The following C8orf58 variants were observed in gnomAD, a reference collection of about 807,000 sequenced individuals.
The protein encoded by C8orf58 is chromosome 8 open reading frame 58.
A neutral mutation model predicts 36.8 loss-of-function variants in C8orf58; 31 were observed. That is an observed-to-expected ratio of 0.84 (90% confidence interval 0.63 to 1.14). C8orf58 has a LOEUF of 1.14. Among genes scored for constraint, C8orf58 ranks in the 50% most tolerant of loss-of-function variants. The pLI, the probability that C8orf58 is intolerant of heterozygous loss-of-function variation, is 0.00. For missense variants in C8orf58, 538 were observed against 480.8 expected, an observed-to-expected ratio of 1.12 and a Z score of -1.11; for synonymous variants, 230 against 200.2, an observed-to-expected ratio of 1.15 and a Z score of -1.26.
At position 22,601,477 on chromosome 8, in the gene C8orf58, A is replaced by G. The variant is rs117610214; in HGVS notation, c.516+120A>G. 8.0e-3 allele frequency: 7,784 copies of G among 970,650 alleles called. 48 individuals carry two copies. Among genetic ancestry groups the G allele is most frequent in the Middle Eastern group, 0.013 (40 of 3,124 alleles). 60.1% of individuals were successfully genotyped at this position (970,650 alleles called of 1,614,324 possible). ...GCCCCTAATTGATGGGTTGTGTCAT[A>G]GGTTCTTTCTGCACCCCAGTTCCAT... is the stretch of plus-strand genomic sequence containing the variant. On this transcript the variant is annotated intron_variant, in intron 2 of 6. Coordinates refer to ENST00000289989, the MANE Select transcript of C8orf58 (RefSeq NM_001013842.3).
Position 22,600,962 on chromosome 8 carries a change from C to T in C8orf58, c.121C>T (p.His41Tyr), listed in dbSNP as rs1436114744. Residue 41 changes from histidine (H) to tyrosine (Y), a missense_variant, in exon 2 of 7, where the codon CAC becomes TAC. His to Tyr is a moderately conservative substitution (Grantham distance 83, BLOSUM62 2). Transcript: ENST00000289989. The stretch of plus-strand genomic sequence containing the variant: ...CTACAGACGGATCCCCGACGCTGCC[C>T]ACGGGTGCTCATCCTGGGAGAGAGG... ...STYRRIPDAA[H>Y]GCSSWERGDK... is the part of the protein sequence containing the mutation. 2 of 1,612,690 alleles carry T rather than the reference C, an allele frequency of 1.2e-6. 1 individual carries two copies. Among genetic ancestry groups the T allele is most frequent in the Non-Finnish European group, 1.7e-6 (2 of 1,180,006 alleles).
rs539225708 is a variant in C8orf58, at chr8:22,603,414, C to T, written c.*108C>T. 4.6e-5 allele frequency: 36 copies of T among 789,424 alleles called. No individual in the cohort carries two copies. Among genetic ancestry groups the T allele is most frequent in the Non-Finnish European group, 7.1e-5 (32 of 449,526 alleles). The allele number at this position is 789,424 out of a possible 1,614,324, so 48.9% of individuals were successfully genotyped here. ...CCACATTGCCAGGAAAAGCTGCTGACGCCTGCCCTCCTCTCTTGAGTCGAG... is the reference window on the plus strand; with the variant it reads ...CCACATTGCCAGGAAAAGCTGCTGATGCCTGCCCTCCTCTCTTGAGTCGAG... On this transcript the variant is annotated 3_prime_UTR_variant, in exon 7 of 7. Transcript: ENST00000289989.
In C8orf58 at chr8:22,602,146, C is replaced by T. The variant is rs772459367; in HGVS notation, c.767-54C>T. On this transcript the variant is annotated intron_variant, in intron 4 of 6. Transcript: ENST00000289989. ...GGTCCCACCAGCAGGTCCTCTGAGCCGAAGCTTGATGGGGTGTCTTCTGGC... is the reference window on the plus strand; with the variant it reads ...GGTCCCACCAGCAGGTCCTCTGAGCTGAAGCTTGATGGGGTGTCTTCTGGC... 4.2e-5 allele frequency: 66 copies of T among 1,554,776 alleles called. No individual in the cohort carries two copies. The African/African-American group carries it at 6.0e-4, about 14-fold the overall frequency.
In C8orf58 at chr8:22,600,949, C is replaced by A. The variant is rs1330675595; in HGVS notation, c.108C>A (p.Ile36=). Residue 36 remains isoleucine (I), a synonymous_variant, in exon 2 of 7, where the codon ATC becomes ATA. Transcript: ENST00000289989. The part of the protein sequence containing the change: ...VPGVTSTYRR[I]PDAAHGCSSW... ...GAGTCACCAGCACCTACAGACGGATCCCCGACGCTGCCCACGGGTGCTCAT... is the reference window on the plus strand; with the variant it reads ...GAGTCACCAGCACCTACAGACGGATACCCGACGCTGCCCACGGGTGCTCAT... 6.2e-7 allele frequency: 1 copy of A among 1,612,366 alleles called. No homozygotes were observed. Among genetic ancestry groups the A allele is most frequent in the Non-Finnish European group, 8.5e-7 (1 of 1,179,996 alleles).
rs1016830515 is a variant in C8orf58, at chr8:22,601,431, T to C, written c.516+74T>C. 2.2e-5 allele frequency: 28 copies of C among 1,254,776 alleles called. No homozygotes were observed. In the Admixed American group the frequency reaches 6.0e-4, roughly 27 times the overall value. The allele number at this position is 1,254,776 out of a possible 1,614,324, so 77.7% of individuals were successfully genotyped here. The stretch of plus-strand genomic sequence containing the variant: ...GCTCCTCTGGTTCTCCCTGGAGCTC[T>C]CTCTGGGTGGGGCACTCCCTGCCCC... On this transcript the variant is annotated intron_variant, in intron 2 of 6. Coordinates refer to ENST00000289989, the MANE Select transcript of C8orf58 (RefSeq NM_001013842.3).
intron 1 of C8orf58, 65 bp downstream of exon 1, chr8:22,599,825 G>C (rs1457414013): frequency 4.0e-6 from 3 of 747,866 alleles, no homozygotes; most frequent in Non-Finnish European, 3.6e-6. Flanking sequence ...CCGCCCCCAA[G>C]CCGGGCACCC....
At position 22,602,035 on chromosome 8, in the gene C8orf58, C is replaced by A; in HGVS notation, c.721C>A (p.Arg241=). The A allele has an allele frequency of 6.3e-7, 1 of 1,580,686 alleles. No homozygotes were observed. Among genetic ancestry groups the A allele is most frequent in the Non-Finnish European group, 8.6e-7 (1 of 1,159,680 alleles). ...GTCCCCGTTACACACCCCAGGCAAT[C>A]GGGGGCAGGGGCCATGGGAGCTGCT... ...LPSPLHTPGN[R]GQGPWELLSQ... is the part of the protein sequence containing the mutation. The change falls in exon 4 of 7, where the codon CGG becomes AGG. Residue 241 remains arginine, a synonymous_variant. Coordinates refer to ENST00000289989, the MANE Select transcript of C8orf58 (RefSeq NM_001013842.3).
rs1417747686 is a variant in C8orf58 at position 22,599,665 on chromosome 8, T to G, written c.-56T>G. 5.8e-6 allele frequency: 6 copies of G among 1,034,140 alleles called. No individual in the cohort carries two copies. The highest frequency in any genetic ancestry group is 6.1e-6 in the Non-Finnish European group (5 of 820,574). 64.1% of individuals were successfully genotyped at this position (1,034,140 alleles called of 1,614,324 possible). On this transcript the variant is annotated 5_prime_UTR_variant, in exon 1 of 7. Transcript: ENST00000289989. ...TGAGCTGCCCGAGCTCCGCGGGGAC[T>G]CGGGCCGGGATCCTCGGGCGGCTGC...
At position 22,601,870 on chromosome 8, in the gene C8orf58, G is replaced by A. The variant is rs766470868; in HGVS notation, c.657+18G>A. 5 of 1,592,888 alleles carry A rather than the reference G, an allele frequency of 3.1e-6. 1 individual carries two copies. The South Asian group carries it at 4.5e-5, about 14-fold the overall frequency. On this transcript the variant is annotated intron_variant, in intron 3 of 6. Coordinates refer to ENST00000289989, the MANE Select transcript of C8orf58 (RefSeq NM_001013842.3). Reference sequence around the variant, plus strand: ...CCCCAGGGGTGAGTGAGATTCGAGTGGGGGAGGGAGAGGACAGATGGGACC... The same window carrying A: ...CCCCAGGGGTGAGTGAGATTCGAGTAGGGGAGGGAGAGGACAGATGGGACC...
At position 22,602,016 on chromosome 8, in the gene C8orf58, G is replaced by A. The variant is rs73672798; in HGVS notation, c.702G>A (p.Pro234=). The part of the protein sequence containing the change: ...EESTRAPLPS[P]LHTPGNRGQG... Reference sequence around the variant, plus strand: ...CGACCCGAGCCCCTTTACCGTCCCCGTTACACACCCCAGGCAATCGGGGGC... The same window carrying A: ...CGACCCGAGCCCCTTTACCGTCCCCATTACACACCCCAGGCAATCGGGGGC... The change falls in exon 4 of 7, where the codon CCG becomes CCA. Residue 234 remains proline (P), a synonymous_variant. Transcript: ENST00000289989. 4,400 of 1,576,746 alleles carry A rather than the reference G, an allele frequency of 2.8e-3. 94 individuals are homozygous for A. The African/African-American group carries it at 0.05, about 18-fold the overall frequency.
At chr8:22,599,853 C>T in intron 1 of C8orf58, 93 bp downstream of exon 1, 1 of 568,258 alleles carries the variant, frequency 1.8e-6, no homozygotes, top group South Asian at 8.7e-5. Context: ...GTTTCTTGCC[C>T]AGCCCCGCGC....
intron 1 of C8orf58, chr8:22,600,569 G>A (rs1800817991): frequency 5.5e-6 from 2 of 366,400 alleles, no homozygotes; most frequent in East Asian, 1.1e-4. Context: ...TGACTCGGGA[G>A]ATCGTGGGCT....
rs962501644 is a variant in C8orf58 at position 22,603,022 on chromosome 8, G to C, written c.987-173G>C. The C allele has an allele frequency of 1.5e-5, 9 of 610,740 alleles. No individual in the cohort carries two copies. The South Asian group carries it at 1.8e-4, about 12-fold the overall frequency. The allele number at this position is 610,740 out of a possible 1,614,324, so 37.8% of individuals were successfully genotyped here. A position where few individuals can be genotyped will look rare whatever the true frequency, so the allele number is the denominator to read the frequency against. On this transcript the variant is annotated intron_variant, in intron 6 of 6. Transcript: ENST00000289989. ...CAGTGGGTGAAGGCCATCATGCTTC[G>C]GGGCTTGTATTGAATCGTTCTCCAG...
At position 22,603,385 on chromosome 8, in the gene C8orf58, T is replaced by C; in HGVS notation, c.*79T>C. On this transcript the variant is annotated 3_prime_UTR_variant, in exon 7 of 7. Coordinates refer to ENST00000289989, the MANE Select transcript of C8orf58 (RefSeq NM_001013842.3). The stretch of plus-strand genomic sequence containing the variant: ...TCCTCGCCCTCTGCCCTCTTGCTGC[T>C]TCTCCACATTGCCAGGAAAAGCTGC... 9.9e-7 allele frequency: 1 copy of C among 1,007,410 alleles called. No individual in the cohort carries two copies. The highest frequency in any genetic ancestry group is 2.4e-5 in the East Asian group (1 of 41,808). The allele number at this position is 1,007,410 out of a possible 1,614,324, so 62.4% of individuals were successfully genotyped here.
At position 22,603,430 on chromosome 8, in the gene C8orf58, T is replaced by C. The variant is rs1292933734; in HGVS notation, c.*124T>C. The C allele has an allele frequency of 1.3e-6, 1 of 743,616 alleles. No homozygotes were observed. The highest frequency in any genetic ancestry group is 2.4e-6 in the Non-Finnish European group (1 of 415,410). The allele number at this position is 743,616 out of a possible 1,614,324, so 46.1% of individuals were successfully genotyped here. A position where few individuals can be genotyped will look rare whatever the true frequency, so the allele number is the denominator to read the frequency against. On this transcript the variant is annotated 3_prime_UTR_variant, in exon 7 of 7. Coordinates refer to ENST00000289989, the MANE Select transcript of C8orf58 (RefSeq NM_001013842.3). The stretch of plus-strand genomic sequence containing the variant: ...AGCTGCTGACGCCTGCCCTCCTCTC[T>C]TGAGTCGAGGGCTGAATCTTTCTCC...
Position 22,603,292 on chromosome 8 carries a change from C to G in C8orf58, c.1084C>G (p.Leu362Val), listed in dbSNP as rs1227571528. 18 of 1,613,418 alleles carry G rather than the reference C, an allele frequency of 1.1e-5. No individual in the cohort carries two copies. The highest frequency in any genetic ancestry group is 1.5e-5 in the Non-Finnish European group (18 of 1,179,600). Residue 362 changes from leucine to valine, a missense_variant, in exon 7 of 7, where the codon CTT (leucine) becomes GTT (valine). Coordinates refer to ENST00000289989, the MANE Select transcript of C8orf58 (RefSeq NM_001013842.3). ...LVVKKQRAKN[L>V]SVG ...GGTTAAGAAGCAACGAGCAAAAAAC[C>G]TTTCTGTAGGCTGAGACCTCTCGGT... is the stretch of plus-strand genomic sequence containing the variant.
rs1397025537 is a variant in C8orf58, at chr8:22,602,871, T to A, written c.986+228T>A. 6.2e-5 allele frequency: 36 copies of A among 580,556 alleles called. No individual in the cohort carries two copies. In the East Asian group the frequency reaches 9.9e-4, roughly 16 times the overall value. 36.0% of individuals were successfully genotyped at this position (580,556 alleles called of 1,614,324 possible). On this transcript the variant is annotated intron_variant, in intron 6 of 6. Transcript: ENST00000289989. ...TTTCCAAAGCCGCACGGTGAGTCAG[T>A]GACAGCTAGGACCAGAATGTGGGAA...
At chr8:22,603,141 C>G (rs1381703965) in intron 6 of C8orf58, 54 bp from the exon 7 acceptor site, 2 of 1,326,350 alleles carry the variant, frequency 1.5e-6, no homozygotes, top group African/African-American at 2.9e-5. Flanking sequence ...ACTCTAGGGC[C>G]ATTGTTAGTT....
rs567887712 is a variant in C8orf58 at position 22,601,297 on chromosome 8, A to G, written c.456A>G (p.Ala152=). ...SKPEREVPLG[A]GQQESMEADT... ...CTGAGCGTGAAGTGCCCCTTGGAGCAGGGCAACAGGAGTCCATGGAGGCAG... is the reference window on the plus strand; with the variant it reads ...CTGAGCGTGAAGTGCCCCTTGGAGCGGGGCAACAGGAGTCCATGGAGGCAG... Residue 152 remains alanine, a synonymous_variant, in exon 2 of 7, where the codon GCA becomes GCG. Transcript: ENST00000289989. 6 of 1,604,836 alleles carry G rather than the reference A, an allele frequency of 3.7e-6. No individual in the cohort carries two copies. In the East Asian group the frequency reaches 6.7e-5, roughly 18 times the overall value.
Sources: gnomAD v4.1 joint callset for allele counts on GRCh38, gnomAD v4.1.1 for gene constraint, MANE v1.5 for transcripts, NCBI Gene and HGNC (gene_info 2026-07-23, HGNC 2026-07-21) for gene names.